The following ANKS1B variants were observed in gnomAD, a reference collection of about 807,000 sequenced individuals.
ANKS1B encodes ankyrin repeat and sterile alpha motif domain-containing protein 1B.
Under a neutral mutation model 148.3 loss-of-function variants are expected in ANKS1B, and 36 were observed. That is an observed-to-expected ratio of 0.24 (90% CI 0.19 to 0.32). ANKS1B has a LOEUF of 0.32. ANKS1B is among the 10% of genes least tolerant of loss of function. The pLI, the probability that ANKS1B is intolerant of heterozygous loss-of-function variation, is 1.00. For synonymous variants in ANKS1B, 542 were observed against 560.8 expected (o/e 0.97, Z 0.47); for missense variants, 1,157 against 1,542.6 (o/e 0.75, Z 4.19).
At chr12:99,493,290 A>C (rs146793967) in intron 10 of ANKS1B, among the ~76,000 whole-genome samples, 168 of 152,294 alleles carry the variant, frequency 1.1e-3, no homozygotes, top group African/African-American at 3.9e-3. Flanking sequence ...ATGCAATCAG[A>C]TTTGTGGTTT....
At chr12:98,980,347 C>A (rs1433395884) in intron 17 of ANKS1B, among the ~76,000 whole-genome samples, 1 of 152,112 alleles carries the variant, frequency 6.6e-6, no homozygotes, top group African/African-American at 2.4e-5. Context: ...ACTACAGGCA[C>A]CCGCCACCAC....
chr12:99,254,603 T>C (rs1234971995), intron 12 of ANKS1B, among the ~76,000 whole-genome samples: 2 of 152,094 alleles, frequency 1.3e-5, no homozygotes, highest in Admixed American at 1.3e-4. Context: ...GAAGAGAGAG[T>C]AAAGAACTGA....
At chr12:98,796,689 G>C (rs2098952566) in intron 22 of ANKS1B, among the ~76,000 whole-genome samples, 1 of 152,168 alleles carries the variant, frequency 6.6e-6, no homozygotes, top group South Asian at 2.1e-4. Flanking sequence ...GATAGTCCGA[G>C]AAGTAATGAA....
At chr12:99,378,079 T>C (rs73151136) in intron 12 of ANKS1B, among the ~76,000 whole-genome samples, 18,910 of 152,180 alleles carry the variant, frequency 0.12, 1,237 homozygotes, top group African/African-American at 0.17. Flanking sequence ...TGTGAAGACT[T>C]CAAAAAGATC....
intron 16 of ANKS1B, among the ~76,000 whole-genome samples, chr12:99,071,177 G>A (rs1367902819): frequency 1.3e-5 from 2 of 152,200 alleles, no homozygotes; most frequent in African/African-American, 4.8e-5. Context: ...TCCTTTGCTA[G>A]ACTAAAATCT....
At chr12:99,791,823 T>C (rs1239026055) in intron 4 of ANKS1B, among the ~76,000 whole-genome samples, 1 of 43,462 alleles carries the variant, frequency 2.3e-5, no homozygotes, top group African/African-American at 6.0e-5. Flanking sequence ...AAATAAATAA[T>C]CTAATGATGC....
At chr12:98,867,567 T>C (rs187826430) in intron 17 of ANKS1B, among the ~76,000 whole-genome samples, 5 of 152,188 alleles carry the variant, frequency 3.3e-5, no homozygotes, top group African/African-American at 9.7e-5. Context: ...TCTTTTAGAA[T>C]GTAAGTCAGT....
chr12:99,607,754 C>G (rs1317231742), intron 9 of ANKS1B, among the ~76,000 whole-genome samples: 1 of 152,018 alleles, frequency 6.6e-6, no homozygotes, highest in African/African-American at 2.4e-5. Context: ...CAGTCATCTC[C>G]CTGAATTTTG....
intron 17 of ANKS1B, among the ~76,000 whole-genome samples, chr12:98,872,141 T>C (rs1332127571): frequency 6.6e-6 from 1 of 152,220 alleles, no homozygotes. Context: ...AAAGACTAAA[T>C]ACAAGCTCTT....
At position 99,635,699 on chromosome 12, in the gene ANKS1B, A is replaced by T. The variant is rs182733406; in HGVS notation, c.1272+19368T>A. The stretch of plus-strand genomic sequence containing the variant: ...CTGATTAGACAATAACATGAATACA[A>T]TTACCACTATTGAACTGTACACTTT... On this transcript the variant is annotated intron_variant, in intron 9 of 26. Transcript: ENST00000683438. 7.9e-5 allele frequency among the ~76,000 whole-genome samples: 12 copies of T among 152,248 alleles called. No homozygotes were observed. The East Asian group carries it at 2.3e-3, about 29-fold the overall frequency.
At chr12:99,576,768 T>C (rs2097523968) in intron 9 of ANKS1B, among the ~76,000 whole-genome samples, 3 of 151,916 alleles carry the variant, frequency 2.0e-5, no homozygotes, top group Admixed American at 2.0e-4. Context: ...TTTTTTCAAG[T>C]TTTATTTTAG....
At chr12:99,419,527 C>G (rs549058851) in intron 11 of ANKS1B, among the ~76,000 whole-genome samples, 12 of 152,042 alleles carry the variant, frequency 7.9e-5, no homozygotes, top group African/African-American at 2.7e-4. Context: ...TAGGAAATAA[C>G]AATATAATGA....
intron 1 of ANKS1B, among the ~76,000 whole-genome samples, chr12:99,949,617 T>A (rs1426069718): frequency 6.6e-6 from 1 of 152,132 alleles, no homozygotes; most frequent in African/African-American, 2.4e-5. Flanking sequence ...ATGTTTACAT[T>A]ACAGTCAACA....
rs67641647 is a variant in ANKS1B, at chr12:98,845,979, T to TACAC, written c.2779-13847_2779-13844dup. Among the ~76,000 whole-genome samples, 70 of 120,628 alleles carry TACAC rather than the reference T, an allele frequency of 5.8e-4. 1 individual carries two copies. The highest frequency in any genetic ancestry group is 9.1e-4 in the African/African-American group (32 of 35,010). 79.1% of individuals were successfully genotyped at this position (120,628 alleles called of 152,430 possible). ...TTAGAATTCTTCATATATATATATATACACACACACACACACACACACACA... is the reference window on the plus strand; with the variant it reads ...TTAGAATTCTTCATATATATATATATACACACACACACACACACACACACACACA... On this transcript the variant is annotated intron_variant, in intron 17 of 26. Transcript: ENST00000683438.
intron 21 of ANKS1B, among the ~76,000 whole-genome samples, chr12:98,800,433 C>T (rs949530907): frequency 3.9e-5 from 6 of 152,054 alleles, no homozygotes; most frequent in African/African-American, 1.4e-4. Flanking sequence ...ACAACCACCA[C>T]CTGACCCAAA....
chr12:99,214,472 G>A lies in ANKS1B; in HGVS notation c.2419+29870C>T, dbSNP rs562451102. Among the ~76,000 whole-genome samples, 4 of 152,228 alleles carry A rather than the reference G, an allele frequency of 2.6e-5. No individual in the cohort carries two copies. The East Asian group carries it at 7.7e-4, about 29-fold the overall frequency. On this transcript the variant is annotated intron_variant, in intron 14 of 26. Transcript: ENST00000683438. ...TCTCATGGTAGTTAATAAATCTCAC[G>A]AGATCTGATGGTTTTATAAGGGGCA...
At chr12:98,902,334 C>A (rs530320573) in intron 17 of ANKS1B, among the ~76,000 whole-genome samples, 1 of 152,178 alleles carries the variant, frequency 6.6e-6, no homozygotes, top group East Asian at 1.9e-4. Context: ...CCTTCCCACA[C>A]CTTTAAGCAA....
At chr12:99,330,419 T>C (rs1401326770) in intron 12 of ANKS1B, among the ~76,000 whole-genome samples, 1 of 151,970 alleles carries the variant, frequency 6.6e-6, no homozygotes, top group Non-Finnish European at 1.5e-5. Flanking sequence ...TTTCCAGAAC[T>C]TGATTTCCTT....
chr12:99,483,620 A>T (rs1367052396), intron 10 of ANKS1B, among the ~76,000 whole-genome samples: 1 of 151,932 alleles, frequency 6.6e-6, no homozygotes, highest in Non-Finnish European at 1.5e-5. Context: ...CTGTGAATCC[A>T]TCTGGTCCTG....
Sources: allele counts gnomAD v4.1 joint callset (sites outside exome capture counted in the v4.1 genomes callset), GRCh38; gene constraint gnomAD v4.1.1; transcripts MANE v1.5; gene names NCBI Gene and HGNC (gene_info 2026-07-23, HGNC 2026-07-21).